The following MEIS1 variants were observed in gnomAD, a reference collection of about 807,000 sequenced individuals.
MEIS1 encodes homeobox protein Meis1.
A neutral mutation model predicts 50.8 loss-of-function variants in MEIS1; 5 were observed. That is an observed-to-expected ratio of 0.10 (90% CI 0.05 to 0.21). MEIS1 has a LOEUF of 0.21. Ranked by LOEUF, MEIS1 falls within the 10% of genes least tolerant of loss-of-function variation. The probability of loss-of-function intolerance (pLI) is 1.00; values close to 1 mark genes in which losing one functional copy is unlikely to be tolerated. For synonymous variants in MEIS1, 176 were observed against 179.3 expected (o/e 0.98, Z 0.15); for missense variants, 318 against 517.3 (o/e 0.61, Z 3.74).
intron 6 of MEIS1, among the ~76,000 whole-genome samples, chr2:66,456,165 T>G (rs565004532): frequency 6.0e-4 from 91 of 152,104 alleles, no homozygotes; most frequent in African/African-American, 2.1e-3. Context: ...CTGGGAAATA[T>G]GGAACTCTAT....
chr2:66,438,691 C>G (rs1034461104), intron 2 of MEIS1, among the ~76,000 whole-genome samples: 2 of 152,100 alleles, frequency 1.3e-5, no homozygotes, highest in Non-Finnish European at 2.9e-5. Flanking sequence ...TCGATTAGAC[C>G]CTGGGCTAGT....
intron 7 of MEIS1, among the ~76,000 whole-genome samples, chr2:66,507,259 C>G (rs567329362): frequency 6.6e-6 from 1 of 152,030 alleles, no homozygotes; most frequent in African/African-American, 2.4e-5. Context: ...AGTCTAGGTA[C>G]GTTTTGGGAT....
At chr2:66,440,076 C>A in intron 3 of MEIS1, 92 bp downstream of exon 3, 1 of 1,084,386 alleles carries the variant, frequency 9.2e-7, no homozygotes, top group Non-Finnish European at 1.3e-6. Flanking sequence ...CGAACACACA[C>A]ACACACACAC....
At position 66,440,028 on chromosome 2, in the gene MEIS1, G is replaced by T. The variant is rs369165634; in HGVS notation, c.381+44G>T. ...AAAAAGTAAAAGAAACAAAAAGAGAGCCCCCCCTTCGCCAACACACACGCG... is the reference window on the plus strand; with the variant it reads ...AAAAAGTAAAAGAAACAAAAAGAGATCCCCCCCTTCGCCAACACACACGCG... On this transcript the variant is annotated intron_variant, in intron 3 of 12. Transcript: ENST00000272369. The T allele has an allele frequency of 1.6e-4, 243 of 1,541,106 alleles. 1 individual carries two copies. The African/African-American group carries it at 3.2e-3, about 21-fold the overall frequency.
intron 7 of MEIS1, among the ~76,000 whole-genome samples, chr2:66,468,223 C>T (rs767535378): frequency 2.6e-5 from 4 of 152,064 alleles, no homozygotes; most frequent in Non-Finnish European, 5.9e-5. Context: ...CATGGCTGCC[C>T]GCCTAACCAT....
chr2:66,470,964 GAGCTTTTCAT>G (rs1236603393), intron 7 of MEIS1, among the ~76,000 whole-genome samples: 1 of 152,180 alleles, frequency 6.6e-6, no homozygotes, highest in Non-Finnish European at 1.5e-5. Context: ...CTCAAAAAAT[GAGCTTTTCAT>G]AGTTCACAGG....
chr2:66,439,689 T>C, intron 2 of MEIS1, 154 bp from the exon 3 acceptor site: 1 of 1,541,536 alleles, frequency 6.5e-7, no homozygotes, highest in Non-Finnish European at 8.7e-7. Flanking sequence ...GTCACCTGGG[T>C]CTGGGGGAGG....
chr2:66,521,352 C>A (rs551542150), intron 8 of MEIS1, among the ~76,000 whole-genome samples: 1 of 125,524 alleles, frequency 8.0e-6, no homozygotes, highest in African/African-American at 3.0e-5. Context: ...GAATTTAGCT[C>A]CTTGAAGATT....
At chr2:66,518,648 A>G (rs1157541210) in intron 8 of MEIS1, among the ~76,000 whole-genome samples, 1 of 152,188 alleles carries the variant, frequency 6.6e-6, no homozygotes, top group African/African-American at 2.4e-5. Context: ...AAACTTGGTC[A>G]CTGAGCATGC....
intron 7 of MEIS1, among the ~76,000 whole-genome samples, chr2:66,491,146 G>A (rs1200596022): frequency 3.3e-5 from 5 of 152,044 alleles, no homozygotes; most frequent in African/African-American, 1.2e-4. Flanking sequence ...AGGGCTCAAA[G>A]CACACACTGC....
At chr2:66,468,068 G>C (rs1252943461) in intron 7 of MEIS1, among the ~76,000 whole-genome samples, 2 of 152,192 alleles carry the variant, frequency 1.3e-5, no homozygotes, top group Non-Finnish European at 2.9e-5. Context: ...CTCAAAGTCA[G>C]CTTCAGGATC....
intron 7 of MEIS1, among the ~76,000 whole-genome samples, chr2:66,495,680 G>A (rs1278175783): frequency 6.6e-6 from 1 of 152,178 alleles, no homozygotes; most frequent in Non-Finnish European, 1.5e-5. Flanking sequence ...TGCAGGAAAC[G>A]CTGAGGCTTT....
chr2:66,534,176 C>G (rs1056782877), intron 8 of MEIS1, among the ~76,000 whole-genome samples: 1 of 151,772 alleles, frequency 6.6e-6, no homozygotes, highest in African/African-American at 2.4e-5. Flanking sequence ...GTCATAGTTA[C>G]TGTGGGTTCT....
chr2:66,462,683 A>G (rs1672546468), intron 6 of MEIS1, among the ~76,000 whole-genome samples: 1 of 152,212 alleles, frequency 6.6e-6, no homozygotes, highest in Non-Finnish European at 1.5e-5. Flanking sequence ...TACGTCTTAC[A>G]GCATTCTTCT....
chr2:66,482,827 A>G (rs1477139738), intron 7 of MEIS1, among the ~76,000 whole-genome samples: 1 of 152,208 alleles, frequency 6.6e-6, no homozygotes, highest in South Asian at 2.1e-4. Flanking sequence ...GTCTCATTCA[A>G]TATTCCTGAT....
chr2:66,519,606 T>C (rs912342559), intron 8 of MEIS1, among the ~76,000 whole-genome samples: 2 of 152,340 alleles, frequency 1.3e-5, no homozygotes, highest in Middle Eastern at 3.4e-3. Context: ...AAAGGCTTTT[T>C]AGTCCTTGTT....
At chr2:66,571,166 T>C in intron 12 of MEIS1, 80 bp from the exon 13 acceptor site, 1 of 1,404,328 alleles carries the variant, frequency 7.1e-7, no homozygotes, top group Non-Finnish European at 9.6e-7. Context: ...CTGGCTTTTA[T>C]AGGATTGTCA....
Position 66,448,594 on chromosome 2 carries a change from A to C in MEIS1, c.630+5546A>C, listed in dbSNP as rs544282200. Among the ~76,000 whole-genome samples, 3 of 152,328 alleles carry C rather than the reference A, an allele frequency of 2.0e-5. No homozygotes were observed. In the South Asian group the frequency reaches 6.2e-4, roughly 32 times the overall value. ...ACATGAATTTAAATGAAGTATTCTC[A>C]TATTGGTAATGTTATGCTTTCCATT... On this transcript the variant is annotated intron_variant, in intron 6 of 12. Coordinates refer to ENST00000272369, the MANE Select transcript of MEIS1 (RefSeq NM_002398.3).
chr2:66,524,717 T>A (rs978487272), intron 8 of MEIS1, among the ~76,000 whole-genome samples: 1 of 151,642 alleles, frequency 6.6e-6, no homozygotes, highest in Non-Finnish European at 1.5e-5. Context: ...CACACAAGTA[T>A]TTTACACAAA....
Sources: allele counts gnomAD v4.1 joint callset (sites outside exome capture counted in the v4.1 genomes callset), GRCh38; gene constraint gnomAD v4.1.1; transcripts MANE v1.5; gene names NCBI Gene and HGNC (gene_info 2026-07-23, HGNC 2026-07-21).